Variants in TMEM117 observed in about 807,000 individuals in gnomAD.
TMEM117 encodes transmembrane protein 117.
TMEM117 carries 27 observed loss-of-function variants against 52.4 expected under a neutral mutation model. The observed-to-expected ratio is 0.51, with a 90% CI of 0.38 to 0.71. The LOEUF (loss-of-function observed/expected upper bound fraction) is 0.71, where lower values mean the gene tolerates loss of function less well. TMEM117 is among the 30% of genes least tolerant of loss of function. The pLI is 0.00. For synonymous variants in TMEM117, 215 were observed against 206.3 expected, an observed-to-expected ratio of 1.04 and a Z score of -0.36; for missense variants, 556 against 630.5, an observed-to-expected ratio of 0.88 and a Z score of 1.26.
chr12:44,252,248 G>A lies in TMEM117; in HGVS notation c.608+40861G>A, dbSNP rs544646836. On this transcript the variant is annotated intron_variant, in intron 5 of 7. Transcript: ENST00000266534. ...TGGCCAGGCCCAGTGGCTCATACCT[G>A]TAATCCCAGCACTTTGGGAGGCCGA... 5.3e-4 allele frequency among the ~76,000 whole-genome samples: 81 copies of A among 152,236 alleles called. 1 individual carries two copies. The South Asian group carries it at 0.01, about 19-fold the overall frequency.
At chr12:44,303,480 A>G (rs972270041) in intron 6 of TMEM117, among the ~76,000 whole-genome samples, 1 of 152,164 alleles carries the variant, frequency 6.6e-6, no homozygotes, top group Non-Finnish European at 1.5e-5. Context: ...ATTAATTTTT[A>G]TAGATATTTA....
chr12:44,385,949 A>G (rs1565782747), intron 7 of TMEM117, among the ~76,000 whole-genome samples: 1 of 151,888 alleles, frequency 6.6e-6, no homozygotes, highest in Non-Finnish European at 1.5e-5. Context: ...ATGCTGTTCT[A>G]TCTACAACAT....
intron 2 of TMEM117, among the ~76,000 whole-genome samples, chr12:43,933,408 T>G (rs373200421): frequency 2.6e-5 from 4 of 151,598 alleles, no homozygotes; most frequent in African/African-American, 9.7e-5. Flanking sequence ...TCACCGTGTT[T>G]GCCAGGATGG....
chr12:44,253,603 A>G (rs1950220727), intron 5 of TMEM117, among the ~76,000 whole-genome samples: 1 of 152,142 alleles, frequency 6.6e-6, no homozygotes. Flanking sequence ...GATTGGGTCC[A>G]TTAACTCAGC....
chr12:43,930,311 T>C (rs1262321206), intron 2 of TMEM117, among the ~76,000 whole-genome samples: 1 of 152,236 alleles, frequency 6.6e-6, no homozygotes, highest in Non-Finnish European at 1.5e-5. Flanking sequence ...AAATGATCTA[T>C]GGGAAATTGT....
intron 3 of TMEM117, among the ~76,000 whole-genome samples, chr12:44,091,677 CAG>C (rs769513784): frequency 6.6e-6 from 1 of 152,100 alleles, no homozygotes; most frequent in Non-Finnish European, 1.5e-5. Flanking sequence ...GTTGGCACAA[CAG>C]AGGGCAGAAT....
intron 2 of TMEM117, among the ~76,000 whole-genome samples, chr12:43,852,065 G>A (rs1181073450): frequency 1.3e-5 from 2 of 150,874 alleles, no homozygotes; most frequent in Non-Finnish European, 3.0e-5. Flanking sequence ...TTGGGAGGCC[G>A]AGATGGGCTG....
At chr12:43,797,611 A>T in the TMEM117 span, 1 of 1,468,180 alleles carries the variant, frequency 6.8e-7, no homozygotes, top group Admixed American at 2.3e-5. Flanking sequence ...GAAATCAGAA[A>T]GCTATTTAAA....
intron 6 of TMEM117, among the ~76,000 whole-genome samples, chr12:44,334,369 A>C (rs768042409): frequency 4.6e-5 from 7 of 152,056 alleles, no homozygotes; most frequent in Non-Finnish European, 8.8e-5. Flanking sequence ...GGATATCATT[A>C]GATTGGCTAA....
At position 43,906,693 on chromosome 12, in the gene TMEM117, G is replaced by A. The variant is rs543134295; in HGVS notation, c.278-37517G>A. Among the ~76,000 whole-genome samples the A allele has an allele frequency of 1.9e-3, 294 of 152,360 alleles. 1 individual carries two copies. Among genetic ancestry groups the A allele is most frequent in the African/African-American group, 6.8e-3 (282 of 41,588 alleles). On this transcript the variant is annotated intron_variant, in intron 2 of 7. Transcript: ENST00000266534. ...CATTGCCTCACTCAGGAAGTGCAAGGGGTCAGGGAGTTCCCTTTCCTAGTC... is the reference window on the plus strand; with the variant it reads ...CATTGCCTCACTCAGGAAGTGCAAGAGGTCAGGGAGTTCCCTTTCCTAGTC...
intron 3 of TMEM117, among the ~76,000 whole-genome samples, chr12:43,984,932 G>A (rs1164495239): frequency 6.6e-6 from 1 of 152,114 alleles, no homozygotes; most frequent in Non-Finnish European, 1.5e-5. Flanking sequence ...AATGAAATGG[G>A]AGCATTTCCA....
chr12:44,208,442 G>C (rs1949599572), intron 4 of TMEM117, among the ~76,000 whole-genome samples: 1 of 152,238 alleles, frequency 6.6e-6, no homozygotes, highest in Middle Eastern at 3.4e-3. Context: ...CACAGGTTTT[G>C]TGTATTTATG....
At chr12:43,904,690 T>A (rs1295592806) in intron 2 of TMEM117, among the ~76,000 whole-genome samples, 1 of 152,206 alleles carries the variant, frequency 6.6e-6, no homozygotes, top group African/African-American at 2.4e-5. Flanking sequence ...ATTTCCCTGG[T>A]CCTAAACATT....
chr12:44,063,463 G>A (rs919893944), intron 3 of TMEM117, among the ~76,000 whole-genome samples: 1 of 151,620 alleles, frequency 6.6e-6, no homozygotes, highest in African/African-American at 2.4e-5. Context: ...TCCTAGGTTT[G>A]TTTCTTTTTT....
In TMEM117 at chr12:44,376,684, C is replaced by A; in HGVS notation, c.858C>A (p.Phe286Leu). The A allele has an allele frequency of 6.2e-7, 1 of 1,611,364 alleles. No individual in the cohort carries two copies. The highest frequency in any genetic ancestry group is 2.2e-5 in the East Asian group (1 of 44,770). ...ACATGCAGTTCAAGATTCCTTTCTT[C>A]CAGAAAATCTTCAAGGAGGAATATC... The part of the protein sequence containing the change: ...TPHMQFKIPF[F>L]QKIFKEEYRI... The change falls in exon 7 of 8, where the codon TTC becomes TTA. Residue 286 changes from phenylalanine to leucine, a missense_variant. Phe to Leu is a conservative substitution (Grantham distance 22). Transcript: ENST00000266534.
chr12:43,798,909 G>C, the TMEM117 span, among the ~76,000 whole-genome samples: 4 of 151,952 alleles, frequency 2.6e-5, no homozygotes, highest in Non-Finnish European at 5.9e-5. Flanking sequence ...AAAATAATAT[G>C]GCTGAAATTT....
At position 44,119,369 on chromosome 12, in the gene TMEM117, T is replaced by C. The variant is rs558297349; in HGVS notation, c.411-24156T>C. On this transcript the variant is annotated intron_variant, in intron 3 of 7. Transcript: ENST00000266534. ...TAGATACCTCTTGATGGCAGGAAGCTCATGGTTCTGGTTCTTCTGAATGAG... is the reference window on the plus strand; with the variant it reads ...TAGATACCTCTTGATGGCAGGAAGCCCATGGTTCTGGTTCTTCTGAATGAG... Among the ~76,000 whole-genome samples, 4 of 152,324 alleles carry C rather than the reference T, an allele frequency of 2.6e-5. No individual in the cohort carries two copies. The South Asian group carries it at 8.3e-4, about 32-fold the overall frequency.
chr12:44,063,565 C>T (rs1252409166), intron 3 of TMEM117, among the ~76,000 whole-genome samples: 2 of 151,602 alleles, frequency 1.3e-5, no homozygotes, highest in African/African-American at 4.9e-5. Flanking sequence ...TGTGCTGCAC[C>T]CATTAACTCG....
intron 2 of TMEM117, among the ~76,000 whole-genome samples, chr12:43,933,665 C>T (rs1157168052): frequency 6.6e-6 from 1 of 152,044 alleles, no homozygotes; most frequent in Non-Finnish European, 1.5e-5. Context: ...CGGGTTCAAG[C>T]TATTCTTCTG....
Sources: allele counts gnomAD v4.1 joint callset (sites outside exome capture counted in the v4.1 genomes callset), GRCh38; gene constraint gnomAD v4.1.1; transcripts MANE v1.5; gene names NCBI Gene and HGNC (gene_info 2026-07-23, HGNC 2026-07-21).